UTRN: variants seen among roughly 807,000 people sequenced by gnomAD.
UTRN encodes utrophin, also known as dystrophin-related protein 1.
A neutral mutation model predicts 463.9 loss-of-function variants in UTRN; 283 were observed. The observed-to-expected ratio is 0.61, with a 90% CI of 0.55 to 0.67. The LOEUF is 0.67. UTRN is among the 30% of genes least tolerant of loss of function. The pLI, the probability that UTRN is intolerant of heterozygous loss-of-function variation, is 0.00. For missense variants in UTRN, 3,922 were observed against 4,084.3 expected (o/e 0.96, Z 1.08); for synonymous variants, 1,442 against 1,431.5 (o/e 1.01, Z -0.17).
chr6:144,477,721 C>T (rs1272648264), intron 25 of UTRN, among the ~76,000 whole-genome samples: 1 of 152,164 alleles, frequency 6.6e-6, no homozygotes, highest in East Asian at 1.9e-4. Context: ...GTTATACTCT[C>T]ATCTCTTATC....
chr6:144,296,383 C>T (rs1044565259), intron 2 of UTRN, among the ~76,000 whole-genome samples: 3 of 152,196 alleles, frequency 2.0e-5, no homozygotes, highest in African/African-American at 7.2e-5. Context: ...ATCCCAAAAC[C>T]ATCCCCCTCA....
chr6:144,583,520 T>C, intron 51 of UTRN: 1 of 716,338 alleles, frequency 1.4e-6, no homozygotes, highest in South Asian at 1.5e-5. Flanking sequence ...GGTGAGAACG[T>C]CTCTGCAGAA....
rs558154511 is a variant in UTRN at position 144,597,478 on chromosome 6, G to A, written c.7479+20190G>A. 3.1e-4 allele frequency among the ~76,000 whole-genome samples: 47 copies of A among 152,208 alleles called. No individual in the cohort carries two copies. In the South Asian group the frequency reaches 9.7e-3, roughly 32 times the overall value. ...TCCTGTAGAGATGAGCAACAAAATT[G>A]TCCTTTATGAAAGCTGTCATTCTCT... On this transcript the variant is annotated intron_variant, in intron 51 of 74. Transcript: ENST00000367545.
chr6:144,546,336 C>G (rs756737705), intron 46 of UTRN, among the ~76,000 whole-genome samples: 1 of 152,160 alleles, frequency 6.6e-6, no homozygotes, highest in South Asian at 2.1e-4. Flanking sequence ...TCTCAGGACC[C>G]CTTTACACTT....
intron 2 of UTRN, among the ~76,000 whole-genome samples, chr6:144,335,369 C>T (rs767488681): frequency 5.3e-5 from 8 of 152,318 alleles, no homozygotes; most frequent in East Asian, 1.9e-4. Context: ...ATCTGCCACC[C>T]GCTCCTTTGC....
chr6:144,609,287 G>A (rs1054987677), intron 51 of UTRN, among the ~76,000 whole-genome samples: 2 of 152,016 alleles, frequency 1.3e-5, no homozygotes, highest in Non-Finnish European at 2.9e-5. Flanking sequence ...GAGAGCCAGG[G>A]GAGCTATACT....
intron 29 of UTRN, 55 bp downstream of exon 29, chr6:144,487,752 C>A: frequency 6.7e-7 from 1 of 1,493,304 alleles, no homozygotes; most frequent in Non-Finnish European, 9.0e-7. Context: ...GTGGAGCTGG[C>A]CCTAAGCTCC....
intron 50 of UTRN, among the ~76,000 whole-genome samples, chr6:144,561,480 A>G (rs762719506): frequency 1.3e-5 from 2 of 151,964 alleles, no homozygotes; most frequent in Non-Finnish European, 2.9e-5. Flanking sequence ...ATGAGACAGT[A>G]TAACTGTGTG....
chr6:144,606,610 G>A (rs765449929), intron 51 of UTRN, among the ~76,000 whole-genome samples: 1 of 152,130 alleles, frequency 6.6e-6, no homozygotes, highest in Non-Finnish European at 1.5e-5. Flanking sequence ...TATTTCCAGT[G>A]GGTCAAAGTA....
chr6:144,833,818 G>A (rs773697234), intron 69 of UTRN, among the ~76,000 whole-genome samples: 4 of 152,142 alleles, frequency 2.6e-5, no homozygotes, highest in African/African-American at 4.8e-5. Context: ...TTCTGCCCCG[G>A]ATAACACAGC....
intron 2 of UTRN, among the ~76,000 whole-genome samples, chr6:144,389,807 C>T (rs931634839): frequency 9.9e-5 from 15 of 152,258 alleles, no homozygotes; most frequent in African/African-American, 3.4e-4. Context: ...CCATGTTGGC[C>T]AGGCTGGTCT....
chr6:144,787,787 A>C (rs567054273), intron 61 of UTRN, among the ~76,000 whole-genome samples: 7 of 152,156 alleles, frequency 4.6e-5, no homozygotes, highest in African/African-American at 1.4e-4. Flanking sequence ...TTATACATTC[A>C]TATATTTATG....
chr6:144,820,184 T>C (rs559944801), intron 65 of UTRN, among the ~76,000 whole-genome samples: 228 of 152,144 alleles, frequency 1.5e-3, no homozygotes, highest in African/African-American at 5.2e-3. Flanking sequence ...GTTGGGATAG[T>C]GTTAGTCCAT....
chr6:144,531,768 T>G (rs2128601994), intron 42 of UTRN, among the ~76,000 whole-genome samples: 1 of 152,334 alleles, frequency 6.6e-6, no homozygotes, highest in Admixed American at 6.5e-5. Context: ...TATTTTCTCT[T>G]TTATTAAGTT....
chr6:144,634,707 A>G (rs1432252013), intron 51 of UTRN, among the ~76,000 whole-genome samples: 1 of 152,114 alleles, frequency 6.6e-6, no homozygotes, highest in Non-Finnish European at 1.5e-5. Context: ...AGCTGCTGGA[A>G]ACCTTGGGTC....
At chr6:144,470,754 T>C (rs1008969269) in intron 23 of UTRN, among the ~76,000 whole-genome samples, 5 of 151,502 alleles carry the variant, frequency 3.3e-5, no homozygotes, top group South Asian at 2.1e-4. Flanking sequence ...ACTGAGTGAG[T>C]GAGACTCCGT....
At chr6:144,539,116 C>T in intron 44 of UTRN, among the ~76,000 whole-genome samples, 178 bp from the exon 45 acceptor site, 1 of 152,222 alleles carries the variant, frequency 6.6e-6, no homozygotes, top group East Asian at 1.9e-4. Context: ...GGCATGTGCT[C>T]ACTCCCTTCC....
chr6:144,511,094 T>C lies in UTRN; in HGVS notation c.4915T>C (p.Trp1639Arg), dbSNP rs1383038869. ...LNAGWSRVRTWTEDWCNTLMN... is the reference protein window; with the variant it reads ...LNAGWSRVRTRTEDWCNTLMN... ...CGCTGGGTGGAGCCGAGTTCGTACC[T>C]GGACTGAAGATTGGTGCAATACCTT... The change falls in exon 35 of 75, where the codon TGG becomes CGG. Residue 1639 changes from tryptophan to arginine, a missense_variant. Trp to Arg is a moderately radical substitution (Grantham distance 101, BLOSUM62 -3). Around this residue, in one of 3 missense-constraint regions of UTRN, gnomAD observed 2,349 missense variants for 2,303.8 expected, o/e 1.02. Coordinates refer to ENST00000367545, the MANE Select transcript of UTRN (RefSeq NM_007124.3). 1.2e-6 allele frequency: 2 copies of C among 1,604,546 alleles called. No homozygotes were observed. Among genetic ancestry groups the C allele is most frequent in the East Asian group, 4.5e-5 (2 of 44,484 alleles).
intron 2 of UTRN, among the ~76,000 whole-genome samples, chr6:144,294,969 A>G (rs1400141602): frequency 6.6e-6 from 1 of 152,136 alleles, no homozygotes; most frequent in Non-Finnish European, 1.5e-5. Flanking sequence ...AAAGAATTTG[A>G]TCTATAATGA....
Sources: gnomAD v4.1 joint callset for allele counts (sites outside exome capture counted in the v4.1 genomes callset) on GRCh38, gnomAD v4.1.1 for gene constraint, gnomAD v4.1.1 regional missense constraint, MANE v1.5 for transcripts, NCBI Gene and HGNC (gene_info 2026-07-23, HGNC 2026-07-21) for gene names.